C4orf51: variants seen among roughly 807,000 people sequenced by gnomAD.
The protein encoded by C4orf51 is uncharacterized protein C4orf51.
In C4orf51, 25 loss-of-function variants were observed where a neutral mutation model predicts 25.2. The ratio of observed to expected loss-of-function variants is 0.99; its 90% CI spans 0.72 to 1.39. The LOEUF (loss-of-function observed/expected upper bound fraction) is 1.39. Ranked by LOEUF, C4orf51 falls within the 40% of genes most tolerant of loss-of-function variation. The pLI, the probability that C4orf51 is intolerant of heterozygous loss-of-function variation, is 0.00. For synonymous variants in C4orf51, 100 were observed against 84.5 expected (o/e 1.18, Z -1.01); for missense variants, 252 against 239.6 (o/e 1.05, Z -0.34).
downstream of C4orf51, among the ~76,000 whole-genome samples, chr4:145,734,375 C>G (rs570107755): frequency 7.5e-6 from 1 of 132,530 alleles, no homozygotes; most frequent in Non-Finnish European, 1.6e-5. Flanking sequence ...GGGAAGGTCA[C>G]GTGGCTGATG....
At chr4:145,749,727 G>A (rs540854338) in intron 1 of C4orf51, among the ~76,000 whole-genome samples, 17 of 151,922 alleles carry the variant, frequency 1.1e-4, no homozygotes, top group African/African-American at 2.7e-4. Flanking sequence ...TCCAACTCCC[G>A]GGTTCACACC....
At chr4:145,699,921 G>A (rs961377349) in intron 2 of C4orf51, among the ~76,000 whole-genome samples, 25 of 151,698 alleles carry the variant, frequency 1.6e-4, no homozygotes, top group Admixed American at 1.0e-3. Flanking sequence ...GGCAAGTCCC[G>A]CTTTTCTGGG....
In C4orf51 at chr4:145,761,603, C is replaced by T. The variant is rs1465131838; in HGVS notation, n.167-9385C>T. On this transcript the variant is annotated intron_variant and non_coding_transcript_variant, in intron 1 of 1. Coordinates refer to the C4orf51 transcript ENST00000510096. This position sits in a 1 kb window ranked among gnomAD's most constrained non-coding sequence, Gnocchi z 6.8. The stretch of plus-strand genomic sequence containing the variant: ...GAATAAATGCAGAATGGGCACCTGC[C>T]GGGGAAAGCAACGCAAGGGAGGTTC... 4.0e-6 allele frequency: 5 copies of T among 1,249,232 alleles called. No individual in the cohort carries two copies. Among genetic ancestry groups the T allele is most frequent in the East Asian group, 5.7e-5 (1 of 17,492 alleles). 77.4% of individuals were successfully genotyped at this position (1,249,232 alleles called of 1,614,324 possible). A position where few individuals can be genotyped will look rare whatever the true frequency, so the allele number is the denominator to read the frequency against.
chr4:145,706,235 G>T (rs1730804027), intron 2 of C4orf51, among the ~76,000 whole-genome samples: 2 of 152,106 alleles, frequency 1.3e-5, no homozygotes, highest in Non-Finnish European at 2.9e-5. Flanking sequence ...ATTATACTTG[G>T]CGTGGTTATT....
At chr4:145,712,517 T>G (rs1731186022) in intron 2 of C4orf51, among the ~76,000 whole-genome samples, 1 of 152,152 alleles carries the variant, frequency 6.6e-6, no homozygotes, top group African/African-American at 2.4e-5. Context: ...CAAAGCCTAA[T>G]CCAGAGAAAG....
At chr4:145,721,609 A>G (rs1731745276) in intron 2 of C4orf51, among the ~76,000 whole-genome samples, 2 of 152,230 alleles carry the variant, frequency 1.3e-5, no homozygotes, top group Non-Finnish European at 2.9e-5. Flanking sequence ...TGTTTGCCGG[A>G]AGATATTCAA....
chr4:145,727,484 A>G (rs1187187884), intron 3 of C4orf51, among the ~76,000 whole-genome samples: 1 of 152,068 alleles, frequency 6.6e-6, no homozygotes, highest in Non-Finnish European at 1.5e-5. Context: ...ATCCCTCAAT[A>G]TTTTCATGGA....
chr4:145,788,953 A>G, the C4orf51 span, among the ~76,000 whole-genome samples: 2 of 152,228 alleles, frequency 1.3e-5, no homozygotes, highest in Non-Finnish European at 2.9e-5. Flanking sequence ...CCAGGTGGCA[A>G]TGTGCCCAGT....
chr4:145,724,055 T>TTCTCG (rs1284063400), intron 2 of C4orf51, among the ~76,000 whole-genome samples: 1 of 152,232 alleles, frequency 6.6e-6, no homozygotes. Flanking sequence ...GCACAAATTC[T>TTCTCG]AATGCCTGGT....
At chr4:145,791,403 A>G in the C4orf51 span, among the ~76,000 whole-genome samples, 1 of 152,196 alleles carries the variant, frequency 6.6e-6, no homozygotes, top group South Asian at 2.1e-4. Flanking sequence ...GAGGATTTTA[A>G]TGTATGAATT....
chr4:145,704,018 G>A (rs550240918), intron 2 of C4orf51, among the ~76,000 whole-genome samples: 34 of 152,182 alleles, frequency 2.2e-4, no homozygotes, highest in Non-Finnish European at 4.7e-4. Context: ...ACGGAAACGT[G>A]TATATTATCC....
intron 2 of C4orf51, among the ~76,000 whole-genome samples, chr4:145,708,953 T>C (rs184025629): frequency 1.3e-5 from 2 of 152,348 alleles, no homozygotes; most frequent in East Asian, 1.9e-4. Context: ...CCTTTGAATA[T>C]GACCTTGAAG....
the C4orf51 span, among the ~76,000 whole-genome samples, chr4:145,778,423 C>T: frequency 3.3e-5 from 5 of 152,294 alleles, no homozygotes; most frequent in South Asian, 6.2e-4. Context: ...CGTGAGCCAT[C>T]GCGCCCGACA....
At chr4:145,709,353 T>A (rs1731008047) in intron 2 of C4orf51, among the ~76,000 whole-genome samples, 1 of 152,200 alleles carries the variant, frequency 6.6e-6, no homozygotes, top group South Asian at 2.1e-4. Flanking sequence ...TGACAAGTCA[T>A]AAGTTGCTGG....
At chr4:145,760,713 T>G in intron 1 of C4orf51, 8 of 995,524 alleles carry the variant, frequency 8.0e-6, no homozygotes, top group African/African-American at 2.3e-5. Flanking sequence ...TGTGTTTAAG[T>G]TTTGTGGTTT....
downstream of C4orf51, chr4:145,775,914 G>A (rs75997156): frequency 6.2e-7 from 1 of 1,614,172 alleles, no homozygotes; most frequent in Non-Finnish European, 8.5e-7. Flanking sequence ...GATTTGCACG[G>A]CACTTAGCAG....
chr4:145,781,195 CAAAAAAAAAAAAAAA>C, the C4orf51 span, among the ~76,000 whole-genome samples: 1 of 56,546 alleles, frequency 1.8e-5, no homozygotes, highest in Non-Finnish European at 2.8e-5. Flanking sequence ...GACACCATCT[CAAAAAAAAAAAAAAA>C]AAAAAAAGAA....
rs190889680 is a variant in C4orf51 at position 145,684,985 on chromosome 4, T to C, written c.233+4549T>C. On this transcript the variant is annotated intron_variant, in intron 1 of 5. Coordinates refer to ENST00000438731, the MANE Select transcript of C4orf51 (RefSeq NM_001080531.3). ...AAACTGAAAGAGCCAAAAGGAGAAATAAGTAAATACACAATCATAGTTGAA... is the reference window on the plus strand; with the variant it reads ...AAACTGAAAGAGCCAAAAGGAGAAACAAGTAAATACACAATCATAGTTGAA... Among the ~76,000 whole-genome samples the C allele has an allele frequency of 4.6e-5, 7 of 152,100 alleles. No homozygotes were observed. In the East Asian group the frequency reaches 1.4e-3, roughly 29 times the overall value.
intron 1 of C4orf51, chr4:145,759,934 C>G (rs989256708): frequency 1.3e-5 from 2 of 152,198 alleles, no homozygotes; most frequent in African/African-American, 2.4e-5. Flanking sequence ...AAATGATGCA[C>G]TGTGTGTGTG....
Sources: allele counts gnomAD v4.1 joint callset (sites outside exome capture counted in the v4.1 genomes callset), GRCh38; gene constraint gnomAD v4.1.1; non-coding constraint Gnocchi (gnomAD v3.1); transcripts MANE v1.5; gene names NCBI Gene and HGNC (gene_info 2026-07-23, HGNC 2026-07-21).